The following ITIH5 variants were observed in gnomAD, a reference collection of about 807,000 sequenced individuals.
ITIH5 encodes inter-alpha-trypsin inhibitor heavy chain H5.
Under a neutral mutation model 77.5 loss-of-function variants are expected in ITIH5, and 65 were observed. The observed-to-expected ratio is 0.84, with a 90% CI of 0.69 to 1.03. The LOEUF (loss-of-function observed/expected upper bound fraction) is 1.03. Ranked by LOEUF, ITIH5 falls within the 50% of genes least tolerant of loss-of-function variation. ITIH5 has a pLI of 0.00. For missense variants in ITIH5, 1,208 were observed against 1,213.1 expected (o/e 1.00, Z 0.06); for synonymous variants, 525 against 494.3 (o/e 1.06, Z -0.82).
chr10:7,573,453 G>T (rs906898824), intron 10 of ITIH5, among the ~76,000 whole-genome samples: 6 of 151,700 alleles, frequency 4.0e-5, no homozygotes, highest in African/African-American at 1.5e-4. Flanking sequence ...GATCACTGGA[G>T]CCCAGGAGTT....
chr10:7,627,917 A>G (rs938303589), intron 5 of ITIH5, among the ~76,000 whole-genome samples: 9 of 137,672 alleles, frequency 6.5e-5, no homozygotes, highest in Non-Finnish European at 1.2e-4. Context: ...TCTCAGCTCA[A>G]TGCAACCTCC....
chr10:7,584,464 C>T (rs757556799), intron 8 of ITIH5, among the ~76,000 whole-genome samples: 2 of 152,074 alleles, frequency 1.3e-5, no homozygotes, highest in Admixed American at 1.3e-4. Context: ...CCACCACACC[C>T]GGCTAACTTT....
rs144252133 is a variant in ITIH5 at position 7,570,916 on chromosome 10, C to T, written c.2033-1132G>A. Among the ~76,000 whole-genome samples the T allele has an allele frequency of 2.2e-3, 331 of 152,360 alleles. 2 individuals carry two copies. The highest frequency in any genetic ancestry group is 6.9e-3 in the African/African-American group (286 of 41,578). On this transcript the variant is annotated intron_variant, in intron 11 of 13. Transcript: ENST00000397146. Reference sequence around the variant, plus strand: ...GGATTTCAGGCGTGAGCCACCACACCGGCCTACAACTTGTTTCTCAAATGC... The same window carrying T: ...GGATTTCAGGCGTGAGCCACCACACTGGCCTACAACTTGTTTCTCAAATGC...
chr10:7,648,588 C>G (rs916987426), intron 2 of ITIH5, among the ~76,000 whole-genome samples: 2 of 152,232 alleles, frequency 1.3e-5, no homozygotes, highest in Non-Finnish European at 2.9e-5. Context: ...AAGTTTACAG[C>G]TGTAGCTGCA....
In ITIH5 at chr10:7,628,872, C is replaced by T. The variant is rs1427380046; in HGVS notation, c.652+8356G>A. 6.6e-5 allele frequency among the ~76,000 whole-genome samples: 9 copies of T among 135,722 alleles called. 2 individuals are homozygous for T. Among genetic ancestry groups the T allele is most frequent in the Admixed American group, 5.1e-4 (7 of 13,816 alleles). 89.0% of individuals were successfully genotyped at this position (135,722 alleles called of 152,430 possible). ...GTGTGTCCCTGTTGTAGCGTGTGTC[C>T]GTGTTGTAGCGTGTGTCCGTGTTGT... is the stretch of plus-strand genomic sequence containing the variant. On this transcript the variant is annotated intron_variant, in intron 5 of 13. Coordinates refer to ENST00000397146, the MANE Select transcript of ITIH5 (RefSeq NM_030569.7).
intron 7 of ITIH5, among the ~76,000 whole-genome samples, chr10:7,596,863 C>T (rs930924957): frequency 3.3e-5 from 5 of 151,808 alleles, no homozygotes; most frequent in African/African-American, 9.7e-5. Flanking sequence ...GCCTGGCCAA[C>T]GTGGCAAAAC....
chr10:7,658,430 A>G (rs185676434), intron 1 of ITIH5, among the ~76,000 whole-genome samples: 8 of 152,362 alleles, frequency 5.3e-5, no homozygotes, highest in Admixed American at 5.2e-4. Context: ...GACTCCAAGT[A>G]AGAACCTATT....
Position 7,576,585 on chromosome 10 carries a change from T to C in ITIH5, c.1846A>G (p.Thr616Ala). 1 of 1,613,774 alleles carries C rather than the reference T, an allele frequency of 6.2e-7. No homozygotes were observed. Among genetic ancestry groups the C allele is most frequent in the Non-Finnish European group, 8.5e-7 (1 of 1,179,982 alleles). ...CTCAGCTTCATGGAGGTGAAGGGAGTGAGGAAGCGGTAGCTCACAGCCAGG... is the reference window on the plus strand; with the variant it reads ...CTCAGCTTCATGGAGGTGAAGGGAGCGAGGAAGCGGTAGCTCACAGCCAGG... Reference protein sequence around the residue: ...QALAVSYRFLTPFTSMKLRGP... With the variant: ...QALAVSYRFLAPFTSMKLRGP... The change falls in exon 10 of 14, where the codon ACT becomes GCT. Residue 616 changes from threonine (T) to alanine (A), a missense_variant. Coordinates refer to ENST00000397146, the MANE Select transcript of ITIH5 (RefSeq NM_030569.7).
chr10:7,635,682 T>A (rs1009029869), intron 5 of ITIH5, among the ~76,000 whole-genome samples: 6 of 152,142 alleles, frequency 3.9e-5, no homozygotes, highest in Admixed American at 3.9e-4. Flanking sequence ...TCTCACATAG[T>A]CATTAACTCA....
intron 7 of ITIH5, among the ~76,000 whole-genome samples, chr10:7,598,849 A>C (rs902231207): frequency 3.3e-5 from 5 of 152,246 alleles, no homozygotes; most frequent in African/African-American, 1.2e-4. Context: ...TTTTTTAAAA[A>C]GGCTGAATAG....
At chr10:7,596,040 T>A (rs926966664) in intron 7 of ITIH5, among the ~76,000 whole-genome samples, 3 of 152,310 alleles carry the variant, frequency 2.0e-5, no homozygotes, top group African/African-American at 7.2e-5. Context: ...CAAATAAATG[T>A]AAACTCTATT....
At chr10:7,664,849 A>T (rs1834336758) in intron 1 of ITIH5, among the ~76,000 whole-genome samples, 1 of 152,244 alleles carries the variant, frequency 6.6e-6, no homozygotes, top group Non-Finnish European at 1.5e-5. Flanking sequence ...GTTCTGTTCT[A>T]AGATTTAAGT....
intron 5 of ITIH5, among the ~76,000 whole-genome samples, chr10:7,624,245 T>G (rs1333438710): frequency 6.6e-6 from 1 of 152,064 alleles, no homozygotes; most frequent in African/African-American, 2.4e-5. Context: ...CAGTGGCTCA[T>G]GCCTGTAATC....
Position 7,577,847 on chromosome 10 carries a change from T to C in ITIH5, c.1419-835A>G, listed in dbSNP as rs537269703. On this transcript the variant is annotated intron_variant, in intron 9 of 13. Transcript: ENST00000397146. ...CAGGATGTAAACAGTACTTCTTTGG[T>C]CACCTACTAGCTGTCCCTGAAAGTC... Among the ~76,000 whole-genome samples, 11 of 152,328 alleles carry C rather than the reference T, an allele frequency of 7.2e-5. No homozygotes were observed. In the South Asian group the frequency reaches 2.3e-3, roughly 32 times the overall value.
Position 7,628,800 on chromosome 10 carries a change from TGTGTTTTTGCATGTGTCCA to T in ITIH5, c.652+8409_652+8427del, listed in dbSNP as rs1833638815. 7.4e-5 allele frequency among the ~76,000 whole-genome samples: 9 copies of T among 122,076 alleles called. 1 individual carries two copies. The highest frequency in any genetic ancestry group is 1.6e-4 in the Non-Finnish European group (9 of 55,228). 80.1% of individuals were successfully genotyped at this position (122,076 alleles called of 152,430 possible). A position where few individuals can be genotyped will look rare whatever the true frequency, so the allele number is the denominator to read the frequency against. ...GTGTGTCCATGTTATCATATGTATC[TGTGTTTTTGCATGTGTCCA>T]TGTTGTAGCGTGTGTCCCTGTTGTA... is the stretch of plus-strand genomic sequence containing the variant. On this transcript the variant is annotated intron_variant, in intron 5 of 13. Transcript: ENST00000397146.
At chr10:7,582,980 A>G (rs1832598065) in intron 8 of ITIH5, among the ~76,000 whole-genome samples, 1 of 152,220 alleles carries the variant, frequency 6.6e-6, no homozygotes, top group Non-Finnish European at 1.5e-5. Context: ...ACTTAAAAAT[A>G]ACTGAGTATA....
intron 12 of ITIH5, 163 bp downstream of exon 12, chr10:7,569,505 G>A (rs1167138250): frequency 6.5e-6 from 3 of 461,642 alleles, no homozygotes; most frequent in East Asian, 6.6e-5. Flanking sequence ...GGAGTCGGAT[G>A]CATAAGTCCA....
intron 5 of ITIH5, chr10:7,618,754 G>A (rs1010658839): frequency 2.0e-5 from 3 of 152,216 alleles, no homozygotes; most frequent in Non-Finnish European, 4.4e-5. Context: ...AAGGAAATGA[G>A]GCGTTAAGTG....
In ITIH5 at chr10:7,585,912, G is replaced by A; in HGVS notation, c.1097C>T (p.Ser366Leu). 1 of 1,610,610 alleles carries A rather than the reference G, an allele frequency of 6.2e-7. No homozygotes were observed. Among genetic ancestry groups the A allele is most frequent in the South Asian group, 1.1e-5 (1 of 90,218 alleles). ...GGTGTCATCTTTACCTCCAGTGGGT[G>A]ACATATGGTGAATGTACACTTTCCC... ...RDGKVYIHHM[S>L]PTGGTDINGA... is the part of the protein sequence containing the mutation. The change falls in exon 8 of 14, where the codon TCA becomes TTA. Residue 366 changes from serine to leucine, a missense_variant. Physicochemically the swap from Ser to Leu is moderately radical, Grantham distance 145 (BLOSUM62 -2). Coordinates refer to ENST00000397146, the MANE Select transcript of ITIH5 (RefSeq NM_030569.7).
Sources: gnomAD v4.1 joint callset for allele counts (sites outside exome capture counted in the v4.1 genomes callset) on GRCh38, gnomAD v4.1.1 for gene constraint, MANE v1.5 for transcripts, NCBI Gene and HGNC (gene_info 2026-07-23, HGNC 2026-07-21) for gene names.